Variants in TRPC6 observed in about 807,000 individuals in gnomAD.
The protein encoded by TRPC6 is short transient receptor potential channel 6.
TRPC6 carries 55 observed loss-of-function variants against 90.7 expected under a neutral mutation model. The observed-to-expected ratio is 0.61, with a 90% CI of 0.49 to 0.76. TRPC6 has a LOEUF of 0.76. Among genes scored for constraint, TRPC6 ranks in the 30% least tolerant of loss-of-function variants. TRPC6 has a pLI of 0.00. For missense variants in TRPC6, 989 were observed against 1,122.7 expected (o/e 0.88, Z 1.70); for synonymous variants, 393 against 393.0 (o/e 1.00, Z 0.00).
At chr11:101,502,788 A>G (rs1860161511) in intron 2 of TRPC6, among the ~76,000 whole-genome samples, 2 of 152,130 alleles carry the variant, frequency 1.3e-5, no homozygotes, top group Admixed American at 1.3e-4. Context: ...TGAGCGTTTC[A>G]GTAACCATTT....
At chr11:101,534,825 A>G (rs1240725029) in intron 1 of TRPC6, among the ~76,000 whole-genome samples, 1 of 152,186 alleles carries the variant, frequency 6.6e-6, no homozygotes, top group Non-Finnish European at 1.5e-5. Flanking sequence ...CGTATCAGAA[A>G]CGTATATGGT....
chr11:101,467,100 G>T (rs1859165771), intron 10 of TRPC6, among the ~76,000 whole-genome samples: 1 of 152,160 alleles, frequency 6.6e-6, no homozygotes, highest in Non-Finnish European at 1.5e-5. Flanking sequence ...GAAATCACCT[G>T]CCTTCTGCGT....
At chr11:101,509,182 G>A (rs957828982) in intron 1 of TRPC6, among the ~76,000 whole-genome samples, 18 of 149,948 alleles carry the variant, frequency 1.2e-4, no homozygotes, top group South Asian at 2.1e-4. Context: ...TACTATAGCC[G>A]CAACCTCCCA....
chr11:101,544,372 A>G (rs1861247162), intron 1 of TRPC6, among the ~76,000 whole-genome samples: 1 of 152,196 alleles, frequency 6.6e-6, no homozygotes, highest in East Asian at 1.9e-4. Flanking sequence ...CAGCAATCCC[A>G]TTACTGGGTA....
intron 1 of TRPC6, among the ~76,000 whole-genome samples, chr11:101,534,784 AT>A (rs1015649435): frequency 3.1e-4 from 47 of 152,248 alleles, no homozygotes; most frequent in Non-Finnish European, 4.3e-4. Context: ...ATTTCAGAAA[AT>A]TTTTTAAAAG....
At chr11:101,559,490 T>C (rs1035134330) in intron 1 of TRPC6, among the ~76,000 whole-genome samples, 8 of 151,740 alleles carry the variant, frequency 5.3e-5, no homozygotes, top group Admixed American at 4.6e-4. Flanking sequence ...TCATGACATA[T>C]CATGAATACA....
chr11:101,525,957 G>A (rs1234558513), intron 1 of TRPC6, among the ~76,000 whole-genome samples: 6 of 152,102 alleles, frequency 3.9e-5, no homozygotes, highest in Admixed American at 2.0e-4. Context: ...TAGGATGGGC[G>A]GGGCAGCTCC....
At chr11:101,561,328 T>C (rs573640018) in intron 1 of TRPC6, among the ~76,000 whole-genome samples, 48 of 152,332 alleles carry the variant, frequency 3.2e-4, no homozygotes, top group Non-Finnish European at 5.1e-4. Flanking sequence ...TGTTCTGATA[T>C]ACTATAAGCT....
At chr11:101,550,392 A>G (rs935056020) in intron 1 of TRPC6, among the ~76,000 whole-genome samples, 22 of 151,716 alleles carry the variant, frequency 1.5e-4, no homozygotes, top group African/African-American at 5.3e-4. Flanking sequence ...AGGTATAAGA[A>G]CATAACTGAG....
At chr11:101,482,809 G>A (rs1169529564) in intron 5 of TRPC6, 140 bp downstream of exon 5, 1 of 905,554 alleles carries the variant, frequency 1.1e-6, no homozygotes, top group Non-Finnish European at 1.7e-6. Flanking sequence ...TGTACTTTAG[G>A]AACACAAAGA....
chr11:101,577,983 C>G (rs1051710292), intron 1 of TRPC6, among the ~76,000 whole-genome samples: 1 of 136,416 alleles, frequency 7.3e-6, no homozygotes, highest in Non-Finnish European at 1.7e-5. Context: ...CCCAACTTAG[C>G]TGATCCAGAT....
chr11:101,527,968 G>T lies in TRPC6; in HGVS notation c.171-23170C>A, dbSNP rs906748872. 2.0e-5 allele frequency among the ~76,000 whole-genome samples: 3 copies of T among 152,096 alleles called. No individual in the cohort carries two copies. The East Asian group carries it at 5.8e-4, about 29-fold the overall frequency. On this transcript the variant is annotated intron_variant, in intron 1 of 12. Coordinates refer to ENST00000344327, the MANE Select transcript of TRPC6 (RefSeq NM_004621.6). Reference sequence around the variant, plus strand: ...GGCACCTGTAATCCCAGCTACTCAGGAGGCTGAGGCAGGAGAATCGCTTGA... The same window carrying T: ...GGCACCTGTAATCCCAGCTACTCAGTAGGCTGAGGCAGGAGAATCGCTTGA...
chr11:101,511,586 T>C lies in TRPC6; in HGVS notation c.171-6788A>G, dbSNP rs117913684. Among the ~76,000 whole-genome samples the C allele has an allele frequency of 4.8e-3, 732 of 152,244 alleles. 2 individuals carry two copies. Among genetic ancestry groups the C allele is most frequent in the Admixed American group, 6.8e-3 (104 of 15,284 alleles). On this transcript the variant is annotated intron_variant, in intron 1 of 12. Transcript: ENST00000344327. ...GTGTAAATATAATATTTTATATTCA[T>C]TTCAAATAAGTAGTGAGCTCAACAG...
Position 101,558,388 on chromosome 11 carries a change from T to C in TRPC6, c.170+24946A>G, listed in dbSNP as rs1472895592. ...GGGTATACATGTATATATGTATACA[T>C]GTATACATATACACACACACATATA... On this transcript the variant is annotated intron_variant, in intron 1 of 12. Transcript: ENST00000344327. Among the ~76,000 whole-genome samples, 7 of 84,308 alleles carry C rather than the reference T, an allele frequency of 8.3e-5. 2 individuals carry two copies. Among genetic ancestry groups the C allele is most frequent in the Non-Finnish European group, 4.7e-5 (2 of 42,110 alleles). 55.3% of individuals were successfully genotyped at this position (84,308 alleles called of 152,430 possible).
intron 1 of TRPC6, among the ~76,000 whole-genome samples, chr11:101,507,946 TTCTTA>T (rs1170694076): frequency 6.6e-6 from 1 of 152,140 alleles, no homozygotes; most frequent in African/African-American, 2.4e-5. Flanking sequence ...TCCTTTAATT[TTCTTA>T]TCTTTTCTAT....
intron 10 of TRPC6, among the ~76,000 whole-genome samples, chr11:101,460,645 G>T (rs568177314): frequency 1.6e-4 from 24 of 152,154 alleles, no homozygotes; most frequent in African/African-American, 5.8e-4. Context: ...ATGGGAGTTA[G>T]GTGGAAAGGA....
In TRPC6 at chr11:101,491,833, A is replaced by ATTTTTTT. The variant is rs200869151; in HGVS notation, c.946-96_946-95insAAAAAAA. 1.3e-4 allele frequency: 99 copies of ATTTTTTT among 782,200 alleles called. 3 individuals carry two copies. Among genetic ancestry groups the ATTTTTTT allele is most frequent in the African/African-American group, 9.1e-4 (33 of 36,322 alleles). The allele number at this position is 782,200 out of a possible 1,614,324, so 48.5% of individuals were successfully genotyped here. On this transcript the variant is annotated intron_variant, in intron 2 of 12. Coordinates refer to ENST00000344327, the MANE Select transcript of TRPC6 (RefSeq NM_004621.6). The stretch of plus-strand genomic sequence containing the variant: ...AAGGATTTTATACTTTAAGAGAAAC[A>ATTTTTTT]TTCTTTTTTTTTTTTTTTTTTTTTT...
chr11:101,569,733 C>T (rs12146595), intron 1 of TRPC6, among the ~76,000 whole-genome samples: 15,143 of 152,174 alleles, frequency 0.1, 790 homozygotes, highest in African/African-American at 0.11. Context: ...AACCACACAA[C>T]TACATAGAAA....
At chr11:101,539,038 A>G (rs1479970653) in intron 1 of TRPC6, among the ~76,000 whole-genome samples, 4 of 152,240 alleles carry the variant, frequency 2.6e-5, no homozygotes, top group Non-Finnish European at 4.4e-5. Context: ...TAACCTGCAG[A>G]ACCGTGAGAA....
Sources: allele counts gnomAD v4.1 joint callset (sites outside exome capture counted in the v4.1 genomes callset), GRCh38; gene constraint gnomAD v4.1.1; transcripts MANE v1.5; gene names NCBI Gene and HGNC (gene_info 2026-07-23, HGNC 2026-07-21).